The following WDPCP variants were observed in gnomAD, a reference collection of about 807,000 sequenced individuals.
WDPCP encodes the protein WD repeat containing planar cell polarity effector.
In WDPCP, 71 loss-of-function variants were observed where a neutral mutation model predicts 93.1. The ratio of observed to expected loss-of-function variants is 0.76; its 90% CI spans 0.63 to 0.93. WDPCP has a LOEUF of 0.93. Ranked by LOEUF, WDPCP falls within the 40% of genes least tolerant of loss-of-function variation. The probability of loss-of-function intolerance (pLI) is 0.00; values close to 1 mark genes in which losing one functional copy is unlikely to be tolerated. For synonymous variants in WDPCP, 315 were observed against 315.0 expected (o/e 1.00, Z 0.00); for missense variants, 844 against 887.4 (o/e 0.95, Z 0.62).
intron 2 of WDPCP, among the ~76,000 whole-genome samples, chr2:63,719,112 G>A (rs756373383): frequency 2.0e-5 from 3 of 152,194 alleles, no homozygotes. Context: ...ATTTACAGAG[G>A]TGTATAGGTT....
intron 2 of WDPCP, among the ~76,000 whole-genome samples, chr2:63,490,796 G>T (rs995703661): frequency 1.3e-5 from 2 of 152,138 alleles, no homozygotes; most frequent in African/African-American, 2.4e-5. Flanking sequence ...GGGGTAAAAG[G>T]GGATCAAGAT....
intron 12 of WDPCP, among the ~76,000 whole-genome samples, chr2:63,358,527 C>T (rs1451998611): frequency 2.6e-5 from 4 of 152,150 alleles, no homozygotes; most frequent in Non-Finnish European, 4.4e-5. Flanking sequence ...AGTGCAGGTG[C>T]AGTCACAGCT....
intron 1 of WDPCP, among the ~76,000 whole-genome samples, chr2:63,528,975 A>C (rs571667791): frequency 3.3e-4 from 51 of 152,310 alleles, no homozygotes; most frequent in African/African-American, 1.0e-3. Flanking sequence ...TCTTTGAAGG[A>C]ATTGTGAATG....
Position 63,404,309 on chromosome 2 carries a change from G to C in WDPCP, c.1174C>G (p.Leu392Val). ...LISCHPSGAI[L>V]LVGSNQGELQ... ...TCCCCTTGGTTGCTGCCAACTAGCA[G>C]AATGGCACCACTTGGGTGGCAGCTT... The change falls in exon 10 of 18, where the codon CTG becomes GTG. Residue 392 changes from leucine to valine, a missense_variant. Coordinates refer to ENST00000272321, the MANE Select transcript of WDPCP (RefSeq NM_015910.7). 6.2e-7 allele frequency: 1 copy of C among 1,614,152 alleles called. No individual in the cohort carries two copies. Among genetic ancestry groups the C allele is most frequent in the South Asian group, 1.1e-5 (1 of 91,074 alleles).
chr2:63,300,601 T>C (rs1685254990), intron 13 of WDPCP, among the ~76,000 whole-genome samples: 1 of 152,240 alleles, frequency 6.6e-6, no homozygotes, highest in Admixed American at 6.5e-5. Context: ...AATTTCCTCC[T>C]TTCCTGTTTG....
chr2:63,806,744 C>T (rs529798317), intron 2 of WDPCP, among the ~76,000 whole-genome samples: 96 of 152,198 alleles, frequency 6.3e-4, no homozygotes, highest in African/African-American at 2.0e-3. Context: ...AAAAAGAGTT[C>T]GGCGATATTT....
intron 2 of WDPCP, among the ~76,000 whole-genome samples, chr2:63,656,325 A>C (rs1710165206): frequency 6.6e-6 from 1 of 152,228 alleles, no homozygotes; most frequent in Admixed American, 6.5e-5. Flanking sequence ...ACAGTGGGTC[A>C]GGCTTGGTTG....
rs568994410 is a variant in WDPCP at position 63,488,379 on chromosome 2, T to C, written c.161-885A>G. The stretch of plus-strand genomic sequence containing the variant: ...ACTTCAAAAAAAAGTATTACTGCTA[T>C]AATTAACTTTTCAAATATAGTCTTT... On this transcript the variant is annotated intron_variant, in intron 2 of 17. Transcript: ENST00000272321. Among the ~76,000 whole-genome samples the C allele has an allele frequency of 5.1e-4, 78 of 152,254 alleles. 1 individual carries two copies. Among genetic ancestry groups the C allele is most frequent in the South Asian group, 3.3e-3 (16 of 4,830 alleles).
intron 2 of WDPCP, among the ~76,000 whole-genome samples, chr2:63,783,215 C>G (rs986033701): frequency 1.3e-5 from 2 of 151,444 alleles, no homozygotes; most frequent in African/African-American, 4.9e-5. Flanking sequence ...AGTTCAGGAC[C>G]AGCCTGGACA....
intron 2 of WDPCP, among the ~76,000 whole-genome samples, chr2:63,702,827 C>T (rs556647319): frequency 1.3e-5 from 2 of 151,648 alleles, no homozygotes; most frequent in South Asian, 2.1e-4. Flanking sequence ...CCGATTAACT[C>T]GTCATTTAGC....
rs1473959145 is a variant in WDPCP, at chr2:63,120,557, T to C, written c.*1449A>G. ...TTTTTTTTTTTTTGCAACGGAGTCT[T>C]ACTTTGTCACCCAGGCTGGAGCGTA... On this transcript the variant is annotated 3_prime_UTR_variant, in exon 18 of 18. Transcript: ENST00000272321. 6.7e-6 allele frequency among the ~76,000 whole-genome samples: 1 copy of C among 148,574 alleles called. No individual in the cohort carries two copies. Among genetic ancestry groups the C allele is most frequent in the Admixed American group, 6.7e-5 (1 of 14,828 alleles).
At chr2:63,592,120 A>G (rs187152209), upstream of WDPCP, among the ~76,000 whole-genome samples, 62 of 152,294 alleles carry the variant, frequency 4.1e-4, no homozygotes, top group Middle Eastern at 0.027. Flanking sequence ...TGATTCACCA[A>G]TGGATTCCCT....
intron 2 of WDPCP, among the ~76,000 whole-genome samples, chr2:63,781,419 G>A (rs1435194806): frequency 6.6e-6 from 1 of 152,164 alleles, no homozygotes; most frequent in Non-Finnish European, 1.5e-5. Context: ...GGGATAGAGT[G>A]CCTACTCTCC....
At chr2:63,416,874 TC>T (rs1695472891) in intron 9 of WDPCP, among the ~76,000 whole-genome samples, 1 of 152,136 alleles carries the variant, frequency 6.6e-6, no homozygotes, top group African/African-American at 2.4e-5. Flanking sequence ...AGAATATAAT[TC>T]CAAGTTGGAC....
chr2:63,589,241 G>C (rs1382181484), upstream of WDPCP: 2 of 1,555,154 alleles, frequency 1.3e-6, no homozygotes, highest in Non-Finnish European at 1.7e-6. Flanking sequence ...ACCTTGCGGG[G>C]TATGGGGCGC....
intron 3 of WDPCP, among the ~76,000 whole-genome samples, chr2:63,626,966 A>C (rs1465847615): frequency 6.6e-6 from 1 of 151,644 alleles, no homozygotes; most frequent in Non-Finnish European, 1.5e-5. Context: ...CCAGAACTTA[A>C]AGCATAATTA....
intron 2 of WDPCP, among the ~76,000 whole-genome samples, chr2:63,714,876 TAGC>T (rs1669312622): frequency 1.3e-5 from 2 of 152,216 alleles, no homozygotes; most frequent in South Asian, 4.2e-4. Context: ...CAAATGTTCA[TAGC>T]AGCACATTCA....
At chr2:63,467,343 G>A (rs1699404512) in intron 6 of WDPCP, among the ~76,000 whole-genome samples, 1 of 151,844 alleles carries the variant, frequency 6.6e-6, no homozygotes, top group Non-Finnish European at 1.5e-5. Flanking sequence ...AGCCGGGCAT[G>A]GTGGCACACA....
chr2:63,297,770 A>G (rs1684981710), intron 13 of WDPCP, among the ~76,000 whole-genome samples: 1 of 152,118 alleles, frequency 6.6e-6, no homozygotes, highest in Non-Finnish European at 1.5e-5. Flanking sequence ...GCCTAGTTAC[A>G]CTGTGAGAGT....
Sources: gnomAD v4.1 joint callset for allele counts (sites outside exome capture counted in the v4.1 genomes callset) on GRCh38, gnomAD v4.1.1 for gene constraint, MANE v1.5 for transcripts, NCBI Gene and HGNC (gene_info 2026-07-23, HGNC 2026-07-21) for gene names.